Variants in TMEM39A observed in about 807,000 individuals in gnomAD.
The protein encoded by TMEM39A is suppressor of SQST-1 aggregates in rpl-43 mutants.
TMEM39A carries 19 observed loss-of-function variants against 51.9 expected under a neutral mutation model. The ratio of observed to expected loss-of-function variants is 0.37; its 90% CI spans 0.26 to 0.54. The LOEUF (loss-of-function observed/expected upper bound fraction) is 0.54, where lower values mean the gene tolerates loss of function less well. Ranked by LOEUF, TMEM39A falls within the 20% of genes least tolerant of loss-of-function variation. TMEM39A has a pLI of 0.88. For missense variants in TMEM39A, 433 were observed against 590.5 expected (o/e 0.73, Z 2.76); for synonymous variants, 197 against 220.2 (o/e 0.89, Z 0.93).
chr3:119,463,067 G>A (rs188682928), intron 1 of TMEM39A, among the ~76,000 whole-genome samples: 10 of 152,306 alleles, frequency 6.6e-5, no homozygotes, highest in African/African-American at 2.4e-4. Context: ...CTAACCCCAA[G>A]TCAAACAAAG....
At chr3:119,433,186 T>C (rs1489897382) in intron 8 of TMEM39A, among the ~76,000 whole-genome samples, 1 of 152,176 alleles carries the variant, frequency 6.6e-6, no homozygotes, top group East Asian at 1.9e-4. Flanking sequence ...CAAATTATCA[T>C]GACAGCTTTA....
Position 119,436,819 on chromosome 3 carries a change from C to T in TMEM39A, c.1084G>A (p.Gly362Arg). The T allele has an allele frequency of 3.1e-6, 5 of 1,613,716 alleles. No individual in the cohort carries two copies. The highest frequency in any genetic ancestry group is 3.4e-6 in the Non-Finnish European group (4 of 1,179,764). The change falls in exon 7 of 9, where the codon GGG becomes AGG. Residue 362 changes from glycine to arginine, a missense_variant. Around this residue, in one of 3 missense-constraint regions of TMEM39A, gnomAD observed 223 missense variants for 328.1 expected, o/e 0.68. Transcript: ENST00000319172. ...TGCTGTGGAGCATTGCTGTAGGACC[C>T]ATGTTCCAACTTCTGCCACTTGCCC... ...HLGKWQKLEH[G>R]SYSNAPQHIW...
At chr3:119,456,913 A>T (rs565049788) in intron 3 of TMEM39A, among the ~76,000 whole-genome samples, 1 of 150,672 alleles carries the variant, frequency 6.6e-6, no homozygotes, top group African/African-American at 2.4e-5. Context: ...GGCCTTACCA[A>T]TATTTTTTTA....
intron 5 of TMEM39A, among the ~76,000 whole-genome samples, chr3:119,443,257 G>A (rs1399234699): frequency 6.6e-6 from 1 of 152,138 alleles, no homozygotes; most frequent in Non-Finnish European, 1.5e-5. Context: ...AAACTTAGTT[G>A]TTACAGCAGC....
intron 2 of TMEM39A, among the ~76,000 whole-genome samples, chr3:119,459,952 C>A (rs937716095): frequency 7.9e-5 from 12 of 151,792 alleles, no homozygotes; most frequent in African/African-American, 2.9e-4. Flanking sequence ...ATAAGCTATC[C>A]GCTAGTTCTT....
chr3:119,435,239 T>TAGAG, intron 7 of TMEM39A: 1 of 985,416 alleles, frequency 1.0e-6, no homozygotes, highest in Non-Finnish European at 1.2e-6. Flanking sequence ...GTGGAAATGC[T>TAGAG]AGAGGGAACA....
intron 4 of TMEM39A, among the ~76,000 whole-genome samples, chr3:119,450,716 GGAGGCT>G (rs2081186633): frequency 6.6e-6 from 1 of 151,068 alleles, no homozygotes; most frequent in African/African-American, 2.4e-5. Context: ...CAGCTACTCA[GGAGGCT>G]GAGGCAGGAG....
At chr3:119,461,773 G>A (rs192592328) in intron 2 of TMEM39A, among the ~76,000 whole-genome samples, 189 bp downstream of exon 2, 5 of 152,230 alleles carry the variant, frequency 3.3e-5, no homozygotes, top group African/African-American at 1.2e-4. Flanking sequence ...CACTTTGTGG[G>A]CCCCATTTCA....
intron 5 of TMEM39A, among the ~76,000 whole-genome samples, chr3:119,445,185 T>A (rs1010282206): frequency 6.6e-6 from 1 of 152,164 alleles, no homozygotes; most frequent in Non-Finnish European, 1.5e-5. Flanking sequence ...TGACAGGGGA[T>A]TAAGTCACAC....
chr3:119,436,752 T>G, intron 7 of TMEM39A, 39 bp downstream of exon 7: 2 of 1,553,656 alleles, frequency 1.3e-6, no homozygotes, highest in Non-Finnish European at 1.8e-6. Flanking sequence ...CAGCAGCATG[T>G]AGAAAGTGTT....
intron 5 of TMEM39A, among the ~76,000 whole-genome samples, chr3:119,444,898 A>G (rs2081102496): frequency 6.6e-6 from 1 of 152,140 alleles, no homozygotes; most frequent in South Asian, 2.1e-4. Context: ...ACATGGTAAA[A>G]TCCTGTCTCT....
intron 5 of TMEM39A, among the ~76,000 whole-genome samples, chr3:119,442,326 G>C (rs937040590): frequency 7.0e-6 from 1 of 143,056 alleles, no homozygotes; most frequent in Non-Finnish European, 1.5e-5. Context: ...CTGGGCAACA[G>C]AGAAAGACTC....
chr3:119,450,979 C>A (rs1189739475), intron 4 of TMEM39A, among the ~76,000 whole-genome samples: 1 of 151,986 alleles, frequency 6.6e-6, no homozygotes, highest in African/African-American at 2.4e-5. Context: ...ACTGGGCATA[C>A]TAATTGGACA....
Position 119,462,110 on chromosome 3 carries a change from G to A in TMEM39A, c.-36C>T. 1 of 1,546,976 alleles carries A rather than the reference G, an allele frequency of 6.5e-7. No homozygotes were observed. Among genetic ancestry groups the A allele is most frequent in the Non-Finnish European group, 8.9e-7 (1 of 1,121,172 alleles). ...CAGTCTGCTTCCAGTGCCACCTGTAGTTGCAACCCAGGTTAATGGTTGTCA... is the reference window on the plus strand; with the variant it reads ...CAGTCTGCTTCCAGTGCCACCTGTAATTGCAACCCAGGTTAATGGTTGTCA... On this transcript the variant is annotated 5_prime_UTR_variant, in exon 2 of 9. Transcript: ENST00000319172.
intron 4 of TMEM39A, chr3:119,451,100 T>C (rs1041099921): frequency 1.2e-4 from 43 of 368,970 alleles, no homozygotes; most frequent in South Asian, 3.1e-4. Context: ...GAACATGCTT[T>C]CACAATATAA....
Position 119,462,132 on chromosome 3 carries a change from G to T in TMEM39A, c.-58C>A. 2 of 1,370,254 alleles carry T rather than the reference G, an allele frequency of 1.5e-6. No individual in the cohort carries two copies. Among genetic ancestry groups the T allele is most frequent in the Non-Finnish European group, 2.1e-6 (2 of 968,870 alleles). The allele number at this position is 1,370,254 out of a possible 1,614,324, so 84.9% of individuals were successfully genotyped here. A position where few individuals can be genotyped will look rare whatever the true frequency, so the allele number is the denominator to read the frequency against. On this transcript the variant is annotated 5_prime_UTR_variant, in exon 2 of 9. Transcript: ENST00000319172. ...GTAGTTGCAACCCAGGTTAATGGTTGTCAACCAGTTTCAACTCTGAACGAC... is the reference window on the plus strand; with the variant it reads ...GTAGTTGCAACCCAGGTTAATGGTTTTCAACCAGTTTCAACTCTGAACGAC...
Position 119,458,235 on chromosome 3 carries a change from C to A in TMEM39A, c.119G>T (p.Gly40Val). Residue 40 changes from glycine to valine, a missense_variant, in exon 3 of 9, where the codon GGT becomes GTT. Transcript: ENST00000319172. ...TGGGACTGGAAGGCCAATAGCACTACCATTCCTGAAAGAGAAAACTATGGT... is the reference window on the plus strand; with the variant it reads ...TGGGACTGGAAGGCCAATAGCACTAACATTCCTGAAAGAGAAAACTATGGT... ...GNGTGLRNRN[G>V]SAIGLPVPPI... 2 of 1,613,734 alleles carry A rather than the reference C, an allele frequency of 1.2e-6. No individual in the cohort carries two copies. The highest frequency in any genetic ancestry group is 1.7e-6 in the Non-Finnish European group (2 of 1,179,870).
At chr3:119,445,844 G>C (rs1030800863) in intron 5 of TMEM39A, among the ~76,000 whole-genome samples, 2 of 152,160 alleles carry the variant, frequency 1.3e-5, no homozygotes, top group Admixed American at 6.5e-5. Context: ...CAACCTTGTT[G>C]AATGTTTAAA....
chr3:119,454,140 G>C (rs909292721), intron 3 of TMEM39A, among the ~76,000 whole-genome samples: 9 of 152,214 alleles, frequency 5.9e-5, no homozygotes, highest in African/African-American at 1.4e-4. Context: ...GCTGGAGTGA[G>C]ATAATTATTG....
Sources: allele counts gnomAD v4.1 joint callset (sites outside exome capture counted in the v4.1 genomes callset), GRCh38; gene constraint gnomAD v4.1.1; regional missense constraint gnomAD v4.1.1; transcripts MANE v1.5; gene names NCBI Gene and HGNC (gene_info 2026-07-23, HGNC 2026-07-21).